NAA35: variants seen among roughly 807,000 people sequenced by gnomAD.
NAA35 encodes the protein N-alpha-acetyltransferase 35, NatC auxiliary subunit.
NAA35 carries 18 observed loss-of-function variants against 101.7 expected under a neutral mutation model. The ratio of observed to expected loss-of-function variants is 0.18; its 90% CI spans 0.12 to 0.26. The LOEUF is 0.26. Ranked by LOEUF, NAA35 falls within the 10% of genes least tolerant of loss-of-function variation. The pLI is 1.00. For synonymous variants in NAA35, 267 were observed against 273.1 expected (o/e 0.98, Z 0.22); for missense variants, 601 against 886.8 (o/e 0.68, Z 4.09).
rs998946631 is a variant in NAA35 at position 85,962,196 on chromosome 9, G to C, written c.516+16G>C. 1.2e-5 allele frequency: 20 copies of C among 1,610,738 alleles called. No homozygotes were observed. The highest frequency in any genetic ancestry group is 1.7e-5 in the Non-Finnish European group (20 of 1,178,640). ...TTTTGAAGAGGTAAGATTTCGTAAT[G>C]TAAGAAATCCTTGGCCAGGTGCGGT... On this transcript the variant is annotated intron_variant, in intron 6 of 22. Transcript: ENST00000361671.
intron 15 of NAA35, among the ~76,000 whole-genome samples, chr9:86,011,537 T>G (rs1032654255): frequency 6.6e-6 from 1 of 150,790 alleles, no homozygotes; most frequent in Non-Finnish European, 1.5e-5. Context: ...TTTTTTGTAT[T>G]TTTTGTGGAG....
intron 11 of NAA35, 81 bp from the exon 12 acceptor site, chr9:85,996,318 G>A: frequency 1.1e-6 from 1 of 910,476 alleles, no homozygotes; most frequent in East Asian, 2.8e-5. Context: ...TTTTAAACTG[G>A]CATTTTTATA....
intron 15 of NAA35, among the ~76,000 whole-genome samples, chr9:86,010,297 G>A (rs1831843760): frequency 6.6e-6 from 1 of 151,942 alleles, no homozygotes; most frequent in African/African-American, 2.4e-5. Flanking sequence ...AATTCCTTCA[G>A]TGTCTGTGCT....
chr9:86,024,266 G>T lies in NAA35; in HGVS notation c.*2306G>T, dbSNP rs183767313. Among the ~76,000 whole-genome samples the T allele has an allele frequency of 1.3e-3, 198 of 152,290 alleles. No individual in the cohort carries two copies. Among genetic ancestry groups the T allele is most frequent in the African/African-American group, 4.4e-3 (183 of 41,560 alleles). ...ATTCAGGAGGCACTGCTGGGAAAAG[G>T]GTCCCAGACAGAATGTGCACAGGCT... On this transcript the variant is annotated 3_prime_UTR_variant, in exon 23 of 23. Coordinates refer to ENST00000361671, the MANE Select transcript of NAA35 (RefSeq NM_024635.4).
At chr9:86,008,781 G>A (rs903787634) in intron 14 of NAA35, among the ~76,000 whole-genome samples, 2 of 152,142 alleles carry the variant, frequency 1.3e-5, no homozygotes, top group African/African-American at 4.8e-5. Context: ...CTTTGTAAGT[G>A]ATTTGAAACT....
chr9:86,001,928 G>A (rs1316666737), intron 12 of NAA35, among the ~76,000 whole-genome samples: 1 of 152,120 alleles, frequency 6.6e-6, no homozygotes, highest in Non-Finnish European at 1.5e-5. Flanking sequence ...TGGTTATTAT[G>A]TTGGCTTGTT....
intron 6 of NAA35, among the ~76,000 whole-genome samples, chr9:85,963,882 G>A (rs1395452368): frequency 6.6e-6 from 1 of 152,142 alleles, no homozygotes; most frequent in African/African-American, 2.4e-5. Flanking sequence ...GCTGAAATGT[G>A]TTAAGTATAA....
intron 2 of NAA35, among the ~76,000 whole-genome samples, chr9:85,954,582 G>A (rs1320418605): frequency 6.6e-6 from 1 of 152,076 alleles, no homozygotes; most frequent in African/African-American, 2.4e-5. Flanking sequence ...CTTTCCTAAT[G>A]AATAGTGATC....
At chr9:86,000,440 C>T (rs1185059816) in intron 12 of NAA35, among the ~76,000 whole-genome samples, 1 of 125,668 alleles carries the variant, frequency 8.0e-6, no homozygotes, top group African/African-American at 2.5e-5. Context: ...AGTCCCTCCT[C>T]AGTTTTTTGC....
intron 1 of NAA35, 140 bp from the exon 2 acceptor site, chr9:85,942,015 A>G (rs1191057152): frequency 1.3e-5 from 18 of 1,358,290 alleles, no homozygotes; most frequent in Non-Finnish European, 1.8e-5. Context: ...TCTTTGCAGT[A>G]CTGTCCTTAG....
intron 2 of NAA35, among the ~76,000 whole-genome samples, chr9:85,948,620 T>C (rs1456826040): frequency 6.6e-6 from 1 of 152,234 alleles, no homozygotes; most frequent in Non-Finnish European, 1.5e-5. Flanking sequence ...AAAATGTCTT[T>C]ATTCTGTCCT....
chr9:85,946,068 T>C (rs117888940), intron 2 of NAA35, among the ~76,000 whole-genome samples: 151 of 152,230 alleles, frequency 9.9e-4, no homozygotes, highest in Middle Eastern at 6.8e-3. Flanking sequence ...TTTTGCCTGA[T>C]AGGAAATATG....
Position 85,959,833 on chromosome 9 carries a change from T to A in NAA35, c.314T>A (p.Leu105Gln). 6.2e-7 allele frequency: 1 copy of A among 1,611,568 alleles called. No homozygotes were observed. The highest frequency in any genetic ancestry group is 2.2e-5 in the East Asian group (1 of 44,640). ...IKIKDLTLPELIGIMDTCFCC... is the reference protein window; with the variant it reads ...IKIKDLTLPEQIGIMDTCFCC... ...ATTAAAGATCTCACCTTGCCTGAAC[T>A]GATAGGGATTATGGATACATGTTTT... is the stretch of plus-strand genomic sequence containing the variant. The change falls in exon 5 of 23, where the codon CTG (leucine) becomes CAG (glutamine). Residue 105 changes from leucine to glutamine, a missense_variant. Leu to Gln is a moderately radical substitution (Grantham distance 113). This residue lies in a region of NAA35 where 42 missense variants were observed against 41.2 expected (regional missense o/e 1.02). Coordinates refer to ENST00000361671, the MANE Select transcript of NAA35 (RefSeq NM_024635.4).
At chr9:85,965,751 T>TA (rs1223387150) in intron 6 of NAA35, among the ~76,000 whole-genome samples, 10 of 152,144 alleles carry the variant, frequency 6.6e-5, no homozygotes, top group African/African-American at 2.4e-4. Flanking sequence ...TCGGGTGTAG[T>TA]AAAGCATGTA....
rs1046077632 is a variant in NAA35, at chr9:85,988,674, T to C, written c.878-7725T>C. Among the ~76,000 whole-genome samples the C allele has an allele frequency of 5.3e-5, 8 of 152,192 alleles. 1 individual carries two copies. In the South Asian group the frequency reaches 1.7e-3, roughly 32 times the overall value. Reference sequence around the variant, plus strand: ...AATTAGCTGTGGTGGTGCATGCCTGTAGTCCCAGCTACTCAGGAGGCTGAG... The same window carrying C: ...AATTAGCTGTGGTGGTGCATGCCTGCAGTCCCAGCTACTCAGGAGGCTGAG... On this transcript the variant is annotated intron_variant, in intron 11 of 22. Coordinates refer to ENST00000361671, the MANE Select transcript of NAA35 (RefSeq NM_024635.4).
chr9:85,970,613 T>A (rs1564297653), intron 6 of NAA35, among the ~76,000 whole-genome samples: 1 of 152,146 alleles, frequency 6.6e-6, no homozygotes, highest in Non-Finnish European at 1.5e-5. Context: ...TTAAATTTAA[T>A]CTTGAAGAAA....
At chr9:86,021,838 T>G (rs199783362) in intron 22 of NAA35, 63 bp from the exon 23 acceptor site, 1 of 1,219,196 alleles carries the variant, frequency 8.2e-7, no homozygotes, top group Non-Finnish European at 1.1e-6. Context: ...AAAATAGTCT[T>G]TGTTTTGTGT....
chr9:86,012,027 G>T (rs940696636), intron 15 of NAA35, among the ~76,000 whole-genome samples: 1 of 144,186 alleles, frequency 6.9e-6, no homozygotes, highest in African/African-American at 2.5e-5. Context: ...GCATGGTATG[G>T]GGAAAGAAAA....
At chr9:86,017,672 GT>G (rs1418580112) in intron 19 of NAA35, 107 bp downstream of exon 19, 5 of 911,204 alleles carry the variant, frequency 5.5e-6, no homozygotes, top group Non-Finnish European at 8.2e-6. Flanking sequence ...TTTCACCTTT[GT>G]TTTACTTCCT....
Sources: allele counts gnomAD v4.1 joint callset (sites outside exome capture counted in the v4.1 genomes callset), GRCh38; gene constraint gnomAD v4.1.1; regional missense constraint gnomAD v4.1.1; transcripts MANE v1.5; gene names NCBI Gene and HGNC (gene_info 2026-07-23, HGNC 2026-07-21).